Variants in CADM3 observed in about 807,000 individuals in gnomAD.
The protein encoded by CADM3 is TSLC1-like 1.
Under a neutral mutation model 44.9 loss-of-function variants are expected in CADM3, and 11 were observed. The observed-to-expected ratio is 0.25, with a 90% CI of 0.15 to 0.41. The LOEUF is 0.41. Ranked by LOEUF, CADM3 falls within the 10% of genes least tolerant of loss-of-function variation. The probability of loss-of-function intolerance (pLI) is 1.00; values close to 1 mark genes in which losing one functional copy is unlikely to be tolerated. For missense variants in CADM3, 426 were observed against 512.0 expected, an observed-to-expected ratio of 0.83 and a Z score of 1.62; for synonymous variants, 207 against 205.2, an observed-to-expected ratio of 1.01 and a Z score of -0.08.
At chr1:159,173,091 G>A (rs747463881) in intron 1 of CADM3, among the ~76,000 whole-genome samples, 1 of 152,116 alleles carries the variant, frequency 6.6e-6, no homozygotes, top group Non-Finnish European at 1.5e-5. Flanking sequence ...AGGGAAGTGG[G>A]GAGAGTGAAG....
chr1:159,182,282 G>T (rs1649266408), intron 1 of CADM3, among the ~76,000 whole-genome samples: 1 of 152,112 alleles, frequency 6.6e-6, no homozygotes, highest in African/African-American at 2.4e-5. Context: ...CAACCTACTG[G>T]GCATTTAGTA....
At chr1:159,190,650 C>T (rs573690704) in intron 1 of CADM3, among the ~76,000 whole-genome samples, 20 of 152,314 alleles carry the variant, frequency 1.3e-4, no homozygotes, top group Admixed American at 8.5e-4. Flanking sequence ...AACTCCAGCA[C>T]GCACATCTTC....
chr1:159,186,697 C>T (rs1006038529), intron 1 of CADM3, among the ~76,000 whole-genome samples: 5 of 152,118 alleles, frequency 3.3e-5, no homozygotes, highest in African/African-American at 1.2e-4. Flanking sequence ...ATTATACAGG[C>T]TTACAATTTT....
chr1:159,200,977 C>A lies in CADM3; in HGVS notation c.*55C>A. The A allele has an allele frequency of 7.5e-7, 1 of 1,339,332 alleles. No individual in the cohort carries two copies. Among genetic ancestry groups the A allele is most frequent in the Admixed American group, 2.2e-5 (1 of 44,966 alleles). 83.0% of individuals were successfully genotyped at this position (1,339,332 alleles called of 1,614,324 possible). On this transcript the variant is annotated 3_prime_UTR_variant, in exon 9 of 9. Transcript: ENST00000368125. ...GGGGCCCTGTGGGGACTGCTGGGGC[C>A]GTCACCAACCCGGACTTGTACAGAG...
chr1:159,192,834 C>T, intron 3 of CADM3, 104 bp downstream of exon 3: 1 of 1,235,580 alleles, frequency 8.1e-7, no homozygotes, highest in South Asian at 1.5e-5. Flanking sequence ...TCTCCAAGCA[C>T]TTTAGGAAAG....
At chr1:159,184,973 A>G (rs1221772940) in intron 1 of CADM3, among the ~76,000 whole-genome samples, 1 of 152,222 alleles carries the variant, frequency 6.6e-6, no homozygotes, top group Non-Finnish European at 1.5e-5. Context: ...AATCCTAAAG[A>G]TACTAGAACC....
chr1:159,189,505 A>G (rs1427158092), intron 1 of CADM3, among the ~76,000 whole-genome samples: 1 of 152,168 alleles, frequency 6.6e-6, no homozygotes. Flanking sequence ...AACTCTTAAG[A>G]TCTCTTTGGC....
In CADM3 at chr1:159,171,692, A is replaced by G; in HGVS notation, c.-74A>G. On this transcript the variant is annotated 5_prime_UTR_variant, in exon 1 of 9. Coordinates refer to ENST00000368125, the MANE Select transcript of CADM3 (RefSeq NM_001127173.3). ...GCCCTTTCGGTCAACATCGTAGTCCACCCCCTCCCCATCCCCAGCCCCCGG... is the reference window on the plus strand; with the variant it reads ...GCCCTTTCGGTCAACATCGTAGTCCGCCCCCTCCCCATCCCCAGCCCCCGG... 9.0e-7 allele frequency: 1 copy of G among 1,106,118 alleles called. No individual in the cohort carries two copies. The highest frequency in any genetic ancestry group is 1.1e-6 in the Non-Finnish European group (1 of 874,374). The allele number at this position is 1,106,118 out of a possible 1,614,324, so 68.5% of individuals were successfully genotyped here.
Position 159,202,536 on chromosome 1 carries a change from A to C in CADM3, c.*1614A>C, listed in dbSNP as rs1022697848. On this transcript the variant is annotated 3_prime_UTR_variant, in exon 9 of 9. Transcript: ENST00000368125. ...CCAGTGAGTTGAAGGCTGGGTCCCC[A>C]CCCTTCCTTTTGATTTCCTGTCTTC... 6.6e-6 allele frequency: 1 copy of C among 152,118 alleles called. No homozygotes were observed. Among genetic ancestry groups the C allele is most frequent in the Non-Finnish European group, 1.5e-5 (1 of 68,202 alleles). 9.4% of individuals were successfully genotyped at this position (152,118 alleles called of 1,614,324 possible).
At chr1:159,186,318 T>C (rs1266817717) in intron 1 of CADM3, among the ~76,000 whole-genome samples, 1 of 152,134 alleles carries the variant, frequency 6.6e-6, no homozygotes, top group East Asian at 1.9e-4. Context: ...GGAGAGTCAG[T>C]GACGGTTTCT....
chr1:159,188,334 C>T lies in CADM3; in HGVS notation c.89-3602C>T, dbSNP rs1470566024. ...TCCCCTCTCCCCTCTCCTCTCGCCC[C>T]TCGCCTCTCTTTCCCTTTGCTTCTG... On this transcript the variant is annotated intron_variant, in intron 1 of 8. Transcript: ENST00000368125. Among the ~76,000 whole-genome samples the T allele has an allele frequency of 3.3e-5, 5 of 151,624 alleles. No homozygotes were observed. The East Asian group carries it at 9.7e-4, about 30-fold the overall frequency.
chr1:159,174,699 A>G (rs1461620598), intron 1 of CADM3, among the ~76,000 whole-genome samples: 1 of 152,352 alleles, frequency 6.6e-6, no homozygotes, highest in South Asian at 2.1e-4. Flanking sequence ...GTTCAGGAAC[A>G]GGTAAGACAT....
Position 159,189,924 on chromosome 1 carries a change from C to T in CADM3, c.89-2012C>T, listed in dbSNP as rs766887959. On this transcript the variant is annotated intron_variant, in intron 1 of 8. Coordinates refer to ENST00000368125, the MANE Select transcript of CADM3 (RefSeq NM_001127173.3). ...ATGTCCCTCAGTTCCCTCACTCATC[C>T]TCACATCCTCTCCCACTCATGTTGC... The T allele has an allele frequency of 2.5e-6, 3 of 1,223,038 alleles. No individual in the cohort carries two copies. The African/African-American group carries it at 4.5e-5, about 18-fold the overall frequency. The allele number at this position is 1,223,038 out of a possible 1,614,324, so 75.8% of individuals were successfully genotyped here.
chr1:159,194,183 C>G (rs1487216695), intron 5 of CADM3, 143 bp downstream of exon 5: 5 of 867,952 alleles, frequency 5.8e-6, no homozygotes, highest in Non-Finnish European at 8.6e-6. Context: ...CAGGACTAGG[C>G]CAGGGTTGGC....
rs1256625783 is a variant in CADM3 at position 159,193,349 on chromosome 1, C to G, written c.383-74C>G. On this transcript the variant is annotated intron_variant, in intron 3 of 8. Coordinates refer to ENST00000368125, the MANE Select transcript of CADM3 (RefSeq NM_001127173.3). ...GAACCCAGGTACGCAGAGAAGCCAT[C>G]TCCACAGGGAGAGCAGAAGTGTGAC... The G allele has an allele frequency of 2.7e-6, 4 of 1,465,568 alleles. 1 individual carries two copies. The Admixed American group carries it at 6.7e-5, about 25-fold the overall frequency. 90.8% of individuals were successfully genotyped at this position (1,465,568 alleles called of 1,614,324 possible).
At chr1:159,183,648 C>T (rs1281000931) in intron 1 of CADM3, among the ~76,000 whole-genome samples, 1 of 152,058 alleles carries the variant, frequency 6.6e-6, no homozygotes, top group African/African-American at 2.4e-5. Flanking sequence ...GGACAAGAGG[C>T]CTTTCCCTGA....
At chr1:159,173,913 C>T (rs528966731) in intron 1 of CADM3, among the ~76,000 whole-genome samples, 1 of 152,286 alleles carries the variant, frequency 6.6e-6, no homozygotes, top group South Asian at 2.1e-4. Flanking sequence ...CTTTCTTGGT[C>T]CTCAAACTGG....
chr1:159,200,574 A>G lies in CADM3; in HGVS notation c.1079-230A>G, dbSNP rs577017862. 5.3e-5 allele frequency among the ~76,000 whole-genome samples: 8 copies of G among 151,960 alleles called. No homozygotes were observed. In the South Asian group the frequency reaches 1.5e-3, roughly 28 times the overall value. ...CACACACTTCTCTTTCTTGCTTTGT[A>G]TTATAGATGAGATTCTACTTAGGGG... On this transcript the variant is annotated intron_variant, in intron 8 of 8. Coordinates refer to ENST00000368125, the MANE Select transcript of CADM3 (RefSeq NM_001127173.3).
rs1343451925 is a variant in CADM3 at position 159,201,493 on chromosome 1, C to G, written c.*571C>G. ...AGCACTACGGACAGGGAGGCAGGTGCCACCTTGACACCTCTCTTCCATAGC... is the reference window on the plus strand; with the variant it reads ...AGCACTACGGACAGGGAGGCAGGTGGCACCTTGACACCTCTCTTCCATAGC... On this transcript the variant is annotated 3_prime_UTR_variant, in exon 9 of 9. Transcript: ENST00000368125. 6.6e-6 allele frequency: 1 copy of G among 152,296 alleles called. No homozygotes were observed. Among genetic ancestry groups the G allele is most frequent in the East Asian group, 1.9e-4 (1 of 5,176 alleles). The allele number at this position is 152,296 out of a possible 1,614,324, so 9.4% of individuals were successfully genotyped here.
Sources: allele counts gnomAD v4.1 joint callset (sites outside exome capture counted in the v4.1 genomes callset), GRCh38; gene constraint gnomAD v4.1.1; transcripts MANE v1.5; gene names NCBI Gene and HGNC (gene_info 2026-07-23, HGNC 2026-07-21).